Variants in SYDE2 observed in about 807,000 individuals in gnomAD.
SYDE2 encodes rho GTPase-activating protein SYDE2.
SYDE2 carries 76 observed loss-of-function variants against 91.5 expected under a neutral mutation model. That is an observed-to-expected ratio of 0.83 (90% CI 0.69 to 1.01). SYDE2 has a LOEUF of 1.01. Ranked by LOEUF, SYDE2 falls within the 50% of genes least tolerant of loss-of-function variation. The probability of loss-of-function intolerance (pLI) is 0.00; values close to 1 mark genes in which losing one functional copy is unlikely to be tolerated. For synonymous variants in SYDE2, 513 were observed against 506.4 expected (o/e 1.01, Z -0.18); for missense variants, 1,364 against 1,367.7 (o/e 1.00, Z 0.04).
At chr1:85,161,466 C>T (rs554987238) in intron 6 of SYDE2, among the ~76,000 whole-genome samples, 3 of 152,252 alleles carry the variant, frequency 2.0e-5, no homozygotes, top group African/African-American at 7.2e-5. Flanking sequence ...TGGCTCACGC[C>T]TGTAATCCCA....
intron 2 of SYDE2, among the ~76,000 whole-genome samples, chr1:85,187,311 A>G (rs1248375529): frequency 2.0e-5 from 3 of 152,122 alleles, no homozygotes; most frequent in African/African-American, 4.8e-5. Flanking sequence ...CAAAACCACA[A>G]TGAGATACCA....
Position 85,200,608 on chromosome 1 carries a change from C to T in SYDE2, c.389G>A (p.Ser130Asn). The T allele has an allele frequency of 6.4e-7, 1 of 1,558,782 alleles. No homozygotes were observed. Residue 130 changes from serine to asparagine, a missense_variant, in exon 1 of 7, where the codon AGT becomes AAT. By Grantham distance (46) the Ser-to-Asn change is conservative. Transcript: ENST00000341460. ...PPRGGRMDGW[S>N]GDRARAAAPT... ...TGCAGCCGCCCGGGCGCGGTCCCCA[C>T]TCCAGCCGTCCATCCTGCCTCCACG...
rs1478300533 is a variant in SYDE2, at chr1:85,182,592, C to T, written c.2050G>A (p.Val684Ile). ...AAATCCTCAGCACCATAGAAATGTA[C>T]ACTCATGAGCCCAGATATGTACTGT... Reference protein sequence around the residue: ...CSQYISGLMSVHFYGAEDLKP... With the variant: ...CSQYISGLMSIHFYGAEDLKP... The change falls in exon 3 of 7, where the codon GTA becomes ATA. Residue 684 changes from valine (V) to isoleucine (I), a missense_variant. Transcript: ENST00000341460. The T allele has an allele frequency of 1.2e-6, 2 of 1,613,900 alleles. No homozygotes were observed. Among genetic ancestry groups the T allele is most frequent in the Admixed American group, 1.7e-5 (1 of 60,018 alleles).
At chr1:85,194,745 G>T in intron 1 of SYDE2, 1 of 873,350 alleles carries the variant, frequency 1.1e-6, no homozygotes, top group Non-Finnish European at 1.4e-6. Context: ...AGTCAATTCT[G>T]TTTTCTCAAC....
chr1:85,198,558 T>C (rs1370910534), intron 1 of SYDE2, among the ~76,000 whole-genome samples: 3 of 152,178 alleles, frequency 2.0e-5, no homozygotes, highest in Non-Finnish European at 2.9e-5. Flanking sequence ...TATTATCACA[T>C]AATAATTGTT....
At chr1:85,196,243 C>T (rs753069556) in intron 1 of SYDE2, among the ~76,000 whole-genome samples, 7 of 152,058 alleles carry the variant, frequency 4.6e-5, no homozygotes, top group Admixed American at 2.0e-4. Flanking sequence ...TGTAAAACTT[C>T]GGGGATGTGA....
intron 2 of SYDE2, among the ~76,000 whole-genome samples, chr1:85,189,094 C>T (rs1482127590): frequency 1.3e-5 from 2 of 152,148 alleles, no homozygotes; most frequent in Non-Finnish European, 2.9e-5. Context: ...TTTTGTACAT[C>T]AAAAACTTTT....
intron 2 of SYDE2, among the ~76,000 whole-genome samples, chr1:85,189,634 A>G (rs817450): frequency 0.98 from 149,692 of 152,256 alleles, 73,633 homozygotes; most frequent in East Asian, 1. Flanking sequence ...TCAGGAGTTC[A>G]AGACCAGCCT....
rs576926980 is a variant in SYDE2 at position 85,169,356 on chromosome 1, A to G, written c.2672-131T>C. ...TTGAAAACAATAAAGGCAACAACAT[A>G]AAAAGAATTATAAAATACTAGCATT... is the stretch of plus-strand genomic sequence containing the variant. On this transcript the variant is annotated intron_variant, in intron 4 of 6. Transcript: ENST00000341460. The G allele has an allele frequency of 5.1e-5, 31 of 612,450 alleles. 1 individual carries two copies. In the East Asian group the frequency reaches 8.4e-4, roughly 17 times the overall value. The allele number at this position is 612,450 out of a possible 1,614,324, so 37.9% of individuals were successfully genotyped here.
At position 85,156,892 on chromosome 1, in the gene SYDE2, T is replaced by G. The variant is rs886899090; in HGVS notation, c.*1858A>C. 3 of 152,042 alleles carry G rather than the reference T, an allele frequency of 2.0e-5. No homozygotes were observed. The highest frequency in any genetic ancestry group is 7.2e-5 in the African/African-American group (3 of 41,446). 9.4% of individuals were successfully genotyped at this position (152,042 alleles called of 1,614,324 possible). The stretch of plus-strand genomic sequence containing the variant: ...AGATTATAATATTTTAATAAAATTT[T>G]TACATTTCTAGAGCAATTTATTCAA... On this transcript the variant is annotated 3_prime_UTR_variant, in exon 7 of 7. Coordinates refer to ENST00000341460, the MANE Select transcript of SYDE2 (RefSeq NM_032184.2).
At chr1:85,168,131 A>T (rs934905060) in intron 5 of SYDE2, among the ~76,000 whole-genome samples, 2 of 149,556 alleles carry the variant, frequency 1.3e-5, no homozygotes, top group East Asian at 1.9e-4. Flanking sequence ...AAAAAAAAAA[A>T]TTTTACCTAG....
intron 4 of SYDE2, among the ~76,000 whole-genome samples, chr1:85,175,215 A>G (rs1397291066): frequency 6.6e-6 from 1 of 152,234 alleles, no homozygotes; most frequent in Non-Finnish European, 1.5e-5. Context: ...AGAATTATGA[A>G]TAGGCTGGGC....
At chr1:85,159,848 C>T in intron 6 of SYDE2, 1 of 981,822 alleles carries the variant, frequency 1.0e-6, no homozygotes, top group Non-Finnish European at 1.2e-6. Flanking sequence ...ACAGCATTAT[C>T]TACTATCTTC....
At chr1:85,187,206 G>T (rs1331114202) in intron 2 of SYDE2, among the ~76,000 whole-genome samples, 3 of 152,122 alleles carry the variant, frequency 2.0e-5, no homozygotes, top group Non-Finnish European at 2.9e-5. Context: ...GTGGGCGAAG[G>T]ACATGAACAG....
intron 6 of SYDE2, among the ~76,000 whole-genome samples, chr1:85,161,705 G>A (rs1244718964): frequency 7.2e-6 from 1 of 139,176 alleles, no homozygotes; most frequent in Non-Finnish European, 1.5e-5. Flanking sequence ...CAACCTGGGC[G>A]ACACAGTGAG....
chr1:85,199,681 T>G (rs572995648), intron 1 of SYDE2, among the ~76,000 whole-genome samples: 84 of 152,172 alleles, frequency 5.5e-4, no homozygotes, highest in Admixed American at 2.0e-3. Context: ...ACTACCTGAC[T>G]AAAAAATTCT....
rs887442102 is a variant in SYDE2, at chr1:85,192,288, A to C, written c.746-1536T>G. Among the ~76,000 whole-genome samples the C allele has an allele frequency of 3.9e-5, 6 of 152,242 alleles. 1 individual carries two copies. The highest frequency in any genetic ancestry group is 2.0e-4 in the Admixed American group (3 of 15,292). ...CCAGGTGTGGTGGCACACACCTGTC[A>C]TCCTAGCTACTTTGTAGGCTAAGCT... On this transcript the variant is annotated intron_variant, in intron 1 of 6. Coordinates refer to ENST00000341460, the MANE Select transcript of SYDE2 (RefSeq NM_032184.2).
chr1:85,168,463 G>A (rs533684092), intron 5 of SYDE2, among the ~76,000 whole-genome samples: 2 of 152,320 alleles, frequency 1.3e-5, no homozygotes, highest in East Asian at 3.9e-4. Context: ...AACAGATAAA[G>A]TTAGGCTAAG....
chr1:85,188,416 A>G (rs1408200711), intron 2 of SYDE2, among the ~76,000 whole-genome samples: 1 of 152,242 alleles, frequency 6.6e-6, no homozygotes, highest in Non-Finnish European at 1.5e-5. Context: ...CAAAATTGCC[A>G]TCATACAGTA....
Sources: allele counts gnomAD v4.1 joint callset (sites outside exome capture counted in the v4.1 genomes callset), GRCh38; gene constraint gnomAD v4.1.1; transcripts MANE v1.5; gene names NCBI Gene and HGNC (gene_info 2026-07-23, HGNC 2026-07-21).